Variants in WDR27 observed in about 807,000 individuals in gnomAD.
The protein encoded by WDR27 is WD repeat-containing protein 27.
In WDR27, 100 loss-of-function variants were observed where a neutral mutation model predicts 114.4. The observed-to-expected ratio is 0.87, with a 90% CI of 0.74 to 1.03. The LOEUF (loss-of-function observed/expected upper bound fraction) is 1.03. Among genes scored for constraint, WDR27 ranks in the 50% least tolerant of loss-of-function variants. The pLI is 0.00. For missense variants in WDR27, 1,129 were observed against 1,092.9 expected (o/e 1.03, Z -0.47); for synonymous variants, 449 against 423.1 (o/e 1.06, Z -0.75).
At chr6:169,513,220 G>GT (rs938386110) in intron 25 of WDR27, among the ~76,000 whole-genome samples, 2 of 152,168 alleles carry the variant, frequency 1.3e-5, no homozygotes, top group Non-Finnish European at 2.9e-5. Flanking sequence ...GGTGGCCTCA[G>GT]TGAGGTGGGC....
In WDR27 at chr6:169,659,650, T is replaced by G; in HGVS notation, c.1130-132A>C. The G allele has an allele frequency of 1.3e-6, 1 of 789,060 alleles. No homozygotes were observed. The highest frequency in any genetic ancestry group is 2.1e-6 in the Non-Finnish European group (1 of 477,594). The allele number at this position is 789,060 out of a possible 1,614,324, so 48.9% of individuals were successfully genotyped here. A position where few individuals can be genotyped will look rare whatever the true frequency, so the allele number is the denominator to read the frequency against. ...ACAGTCCAGGCCCCACCACACACTT[T>G]GCAGGCTGTGCACCACATCCTCACA... On this transcript the variant is annotated intron_variant, in intron 10 of 25. Coordinates refer to ENST00000448612, the MANE Select transcript of WDR27 (RefSeq NM_182552.5). The surrounding 1 kb of genome is among the most constrained non-coding windows in gnomAD (Gnocchi z 4.3).
chr6:169,505,954 T>C (rs950622328), intron 25 of WDR27, among the ~76,000 whole-genome samples: 3 of 152,182 alleles, frequency 2.0e-5, no homozygotes, highest in African/African-American at 7.2e-5. Context: ...ATGCACCACT[T>C]CAGTCAGTGT....
At chr6:169,440,841 T>G in the WDR27 span, among the ~76,000 whole-genome samples, 255 of 152,332 alleles carry the variant, frequency 1.7e-3, no homozygotes, top group Middle Eastern at 0.02. Context: ...ATCTTAATCA[T>G]GAAATGCTAG....
chr6:169,571,334 C>T (rs1801389386), intron 25 of WDR27, among the ~76,000 whole-genome samples: 1 of 152,170 alleles, frequency 6.6e-6, no homozygotes, highest in South Asian at 2.1e-4. Context: ...GTTAACAATG[C>T]TGTCTTTGCA....
intron 16 of WDR27, among the ~76,000 whole-genome samples, chr6:169,644,522 TCA>T (rs1820016851): frequency 1.3e-5 from 2 of 150,450 alleles, no homozygotes; most frequent in African/African-American, 4.9e-5. Context: ...TTCACAGGAG[TCA>T]CACTGTGGAA....
chr6:169,430,664 C>T, the WDR27 span, among the ~76,000 whole-genome samples: 4 of 152,254 alleles, frequency 2.6e-5, no homozygotes, highest in African/African-American at 9.6e-5. Context: ...CGAGGCTCCA[C>T]TTGTCAGGGC....
At chr6:169,482,357 C>A (rs1455131552) in intron 25 of WDR27, among the ~76,000 whole-genome samples, 1 of 152,148 alleles carries the variant, frequency 6.6e-6, no homozygotes, top group Admixed American at 6.5e-5. Flanking sequence ...CTCTTTAGGT[C>A]TTTGAGGAAT....
Position 169,613,607 on chromosome 6 carries a change from G to A in WDR27, c.2273C>T (p.Thr758Ile). 1.2e-6 allele frequency: 2 copies of A among 1,613,898 alleles called. No homozygotes were observed. Among genetic ancestry groups the A allele is most frequent in the Non-Finnish European group, 1.7e-6 (2 of 1,179,842 alleles). ...QQPQAYNLFL[T>I]TAIGDGMRLW... ...TCTCATCCCATCGCCAATGGCCGTG[G>A]TCAGGAAAAGGTTATAAGCCTGAGG... Residue 758 changes from threonine to isoleucine, a missense_variant, in exon 22 of 26, where the codon ACC becomes ATC. By Grantham distance (89) the Thr-to-Ile change is moderately conservative (BLOSUM62 -1). Coordinates refer to ENST00000448612, the MANE Select transcript of WDR27 (RefSeq NM_182552.5).
intron 25 of WDR27, among the ~76,000 whole-genome samples, chr6:169,547,706 T>C (rs1472576225): frequency 1.3e-5 from 2 of 152,140 alleles, no homozygotes; most frequent in East Asian, 3.9e-4. Context: ...TCACACTTAA[T>C]GGTGAGAAAT....
At chr6:169,666,803 G>A (rs914935852) in intron 6 of WDR27, 18 of 1,026,488 alleles carry the variant, frequency 1.8e-5, no homozygotes, top group Non-Finnish European at 2.0e-5. Context: ...TACCAACACC[G>A]CTGGTTCTGG....
chr6:169,573,553 C>T (rs187371402), intron 24 of WDR27, among the ~76,000 whole-genome samples: 54 of 152,186 alleles, frequency 3.5e-4, no homozygotes, highest in Admixed American at 1.0e-3. Context: ...TGGGAGCACA[C>T]GGGGGACCTG....
chr6:169,683,756 T>A (rs928526869), intron 2 of WDR27, among the ~76,000 whole-genome samples: 6 of 151,872 alleles, frequency 4.0e-5, no homozygotes, highest in Non-Finnish European at 7.4e-5. Flanking sequence ...AAGCAAAAGA[T>A]CCCCAACCAC....
At chr6:169,570,583 C>T (rs750022154) in intron 25 of WDR27, among the ~76,000 whole-genome samples, 1 of 152,198 alleles carries the variant, frequency 6.6e-6, no homozygotes, top group Non-Finnish European at 1.5e-5. Flanking sequence ...AATCCCAACA[C>T]TTTGGGAGGC....
Position 169,553,058 on chromosome 6 carries a change from C to CTGTGTGTGTG in WDR27, c.2645+19351_2645+19360dup, listed in dbSNP as rs3033612. Among the ~76,000 whole-genome samples, 227 of 30,162 alleles carry CTGTGTGTGTG rather than the reference C, an allele frequency of 7.5e-3. 42 individuals are homozygous for CTGTGTGTGTG. The highest frequency in any genetic ancestry group is 0.019 in the East Asian group (24 of 1,264). The allele number at this position is 30,162 out of a possible 152,430, so 19.8% of individuals were successfully genotyped here. A position where few individuals can be genotyped will look rare whatever the true frequency, so the allele number is the denominator to read the frequency against. On this transcript the variant is annotated intron_variant, in intron 25 of 25. Transcript: ENST00000448612. ...GGGAGGTGGGGAGGGCCTGGAGGGC[C>CTGTGTGTGTG]TGTGTGTGTGTGTGTGTGTGTGTGT...
chr6:169,551,232 T>C (rs1238498161), intron 25 of WDR27, among the ~76,000 whole-genome samples: 2 of 152,178 alleles, frequency 1.3e-5, no homozygotes, highest in African/African-American at 4.8e-5. Context: ...AACTGATTTC[T>C]ACCACCCCTA....
chr6:169,478,528 A>G (rs1447492929), intron 25 of WDR27, among the ~76,000 whole-genome samples: 1 of 152,146 alleles, frequency 6.6e-6, no homozygotes, highest in Non-Finnish European at 1.5e-5. Context: ...ATCATAAACT[A>G]ATTTTTAAAA....
intron 25 of WDR27, among the ~76,000 whole-genome samples, chr6:169,531,383 T>C (rs75636779): frequency 0.033 from 4,981 of 152,312 alleles, 108 homozygotes; most frequent in Middle Eastern, 0.065. Context: ...CCCGTGGACA[T>C]TGGGGAGCAA....
chr6:169,534,359 G>A (rs1795977429), intron 25 of WDR27, among the ~76,000 whole-genome samples: 1 of 152,054 alleles, frequency 6.6e-6, no homozygotes, highest in African/African-American at 2.4e-5. Flanking sequence ...TAATTTTTTT[G>A]ATGTTTTTAA....
At chr6:169,433,104 T>G in the WDR27 span, among the ~76,000 whole-genome samples, 1 of 152,216 alleles carries the variant, frequency 6.6e-6, no homozygotes, top group Non-Finnish European at 1.5e-5. Flanking sequence ...GTTTTTTACT[T>G]TAAGTTCTGG....
Sources: allele counts gnomAD v4.1 joint callset (sites outside exome capture counted in the v4.1 genomes callset), GRCh38; gene constraint gnomAD v4.1.1; non-coding constraint Gnocchi (gnomAD v3.1); transcripts MANE v1.5; gene names NCBI Gene and HGNC (gene_info 2026-07-23, HGNC 2026-07-21).